SIPA1L2: variants seen among roughly 807,000 people sequenced by gnomAD.
SIPA1L2 encodes the protein signal induced proliferation associated 1 like 2.
A neutral mutation model predicts 163.9 loss-of-function variants in SIPA1L2; 56 were observed. That is an observed-to-expected ratio of 0.34 (90% CI 0.28 to 0.43). The LOEUF is 0.43. SIPA1L2 is among the 20% of genes least tolerant of loss of function. The pLI, the probability that SIPA1L2 is intolerant of heterozygous loss-of-function variation, is 1.00. For missense variants in SIPA1L2, 1,974 were observed against 2,193.5 expected (o/e 0.90, Z 2.00); for synonymous variants, 877 against 865.7 (o/e 1.01, Z -0.23).
chr1:232,443,807 T>A, intron 11 of SIPA1L2, 122 bp from the exon 12 acceptor site: 1 of 696,184 alleles, frequency 1.4e-6, no homozygotes, highest in Non-Finnish European at 2.3e-6. Context: ...AAGAAAAACA[T>A]ATTGCCATGT....
At chr1:232,575,959 G>T (rs1660054893) in intron 1 of SIPA1L2, among the ~76,000 whole-genome samples, 1 of 152,190 alleles carries the variant, frequency 6.6e-6, no homozygotes, top group African/African-American at 2.4e-5. Flanking sequence ...TTTATATGAG[G>T]TATGTAGAGT....
intron 2 of SIPA1L2, among the ~76,000 whole-genome samples, chr1:232,569,726 C>T (rs1319166431): frequency 2.0e-5 from 3 of 152,106 alleles, no homozygotes; most frequent in Non-Finnish European, 4.4e-5. Flanking sequence ...GGCAGGAGAA[C>T]CGCTTGAACC....
chr1:232,443,217 G>A (rs748961928), intron 12 of SIPA1L2, among the ~76,000 whole-genome samples: 2 of 152,188 alleles, frequency 1.3e-5, no homozygotes, highest in African/African-American at 2.4e-5. Context: ...TCTCAGCTAG[G>A]TGTGCTGGGG....
intron 2 of SIPA1L2, among the ~76,000 whole-genome samples, chr1:232,560,894 GA>G (rs953841584): frequency 1.3e-5 from 2 of 151,718 alleles, no homozygotes; most frequent in African/African-American, 4.8e-5. Context: ...TCATGAAGAG[GA>G]AAAAAAAGTA....
At chr1:232,435,320 C>T (rs1159320708) in intron 15 of SIPA1L2, among the ~76,000 whole-genome samples, 3 of 152,038 alleles carry the variant, frequency 2.0e-5, no homozygotes, top group Admixed American at 6.6e-5. Context: ...GTATTTTATC[C>T]CAACTGTAAG....
At chr1:232,541,247 T>TAACATAACATAACATAACATAACA (rs552074001) in intron 2 of SIPA1L2, among the ~76,000 whole-genome samples, 1 of 144,572 alleles carries the variant, frequency 6.9e-6, no homozygotes, top group African/African-American at 2.7e-5. Flanking sequence ...TAACATAACA[T>TAACATAACATAACATAACATAACA]TAACATAACA....
chr1:232,512,935 G>C (rs58952003), intron 3 of SIPA1L2, among the ~76,000 whole-genome samples: 2,575 of 152,312 alleles, frequency 0.017, 84 homozygotes, highest in African/African-American at 0.059. Context: ...GGCACTCTGT[G>C]AGGTTATCCC....
At chr1:232,587,845 C>G (rs563471197) in intron 1 of SIPA1L2, among the ~76,000 whole-genome samples, 1 of 152,278 alleles carries the variant, frequency 6.6e-6, no homozygotes, top group South Asian at 2.1e-4. Flanking sequence ...GAATAAGTCT[C>G]ACAAGATCTG....
intron 22 of SIPA1L2, among the ~76,000 whole-genome samples, chr1:232,401,756 A>AT (rs1196832069): frequency 1.3e-5 from 2 of 151,970 alleles, no homozygotes; most frequent in African/African-American, 2.4e-5. Context: ...ACCAGCTACA[A>AT]TTTCTCCCTT....
intron 19 of SIPA1L2, among the ~76,000 whole-genome samples, chr1:232,412,952 T>C (rs542285294): frequency 8.5e-5 from 13 of 152,258 alleles, no homozygotes; most frequent in African/African-American, 1.7e-4. Context: ...CTTTGGCAAA[T>C]AGAATATTAC....
At chr1:232,544,713 TG>T (rs1464959424) in intron 2 of SIPA1L2, among the ~76,000 whole-genome samples, 1 of 152,216 alleles carries the variant, frequency 6.6e-6, no homozygotes, top group East Asian at 1.9e-4. Flanking sequence ...GGAACATCCC[TG>T]CCCTGCAGCC....
At chr1:232,413,600 T>C (rs1661079309) in intron 19 of SIPA1L2, among the ~76,000 whole-genome samples, 2 of 152,246 alleles carry the variant, frequency 1.3e-5, no homozygotes, top group African/African-American at 4.8e-5. Context: ...GGGATAGTTC[T>C]GGGCTGTGTA....
rs372676461 is a variant in SIPA1L2, at chr1:232,464,979, T to C, written c.2681A>G (p.Asn894Ser). Residue 894 changes from asparagine (N) to serine (S), a missense_variant, in exon 9 of 23, where the codon AAC becomes AGC. By Grantham distance (46) the Asn-to-Ser change is conservative. Coordinates refer to ENST00000674635, the MANE Select transcript of SIPA1L2 (RefSeq NM_020808.5). ...CCCAATCACATCCCTGCAGGAACAG[T>C]TGAATACAACATTCTTGGAATCCTT... ...IEKDSKNVVF[N>S]CSCRDVIGWT... is the part of the protein sequence containing the mutation. 5.6e-6 allele frequency: 9 copies of C among 1,614,128 alleles called. No homozygotes were observed. The highest frequency in any genetic ancestry group is 2.2e-5 in the East Asian group (1 of 44,908).
At chr1:232,523,711 A>G (rs1318436537) in intron 2 of SIPA1L2, among the ~76,000 whole-genome samples, 1 of 152,194 alleles carries the variant, frequency 6.6e-6, no homozygotes, top group Non-Finnish European at 1.5e-5. Context: ...TCTCACTAAT[A>G]TTATTTTCCA....
At chr1:232,556,053 G>A (rs1227150078) in intron 2 of SIPA1L2, among the ~76,000 whole-genome samples, 1 of 152,216 alleles carries the variant, frequency 6.6e-6, no homozygotes, top group Non-Finnish European at 1.5e-5. Flanking sequence ...ATTCCTTAAA[G>A]ATGACATTAC....
chr1:232,573,459 C>T (rs1401469335), intron 2 of SIPA1L2, among the ~76,000 whole-genome samples: 4 of 152,080 alleles, frequency 2.6e-5, no homozygotes, highest in Non-Finnish European at 5.9e-5. Flanking sequence ...TGCCTGTGTG[C>T]ATTGTTGTGT....
chr1:232,616,877 G>T (rs1057175741), intron 1 of SIPA1L2, among the ~76,000 whole-genome samples: 2 of 152,140 alleles, frequency 1.3e-5, no homozygotes, highest in African/African-American at 4.8e-5. Flanking sequence ...AAAAGCGGGT[G>T]GTTAACTAAG....
chr1:232,535,432 C>T (rs975458849), intron 2 of SIPA1L2, among the ~76,000 whole-genome samples: 7 of 151,980 alleles, frequency 4.6e-5, no homozygotes, highest in African/African-American at 1.7e-4. Context: ...AAACAGAAGC[C>T]GGAATTTTAA....
intron 10 of SIPA1L2, among the ~76,000 whole-genome samples, chr1:232,450,390 C>T (rs1663501031): frequency 6.6e-6 from 1 of 152,140 alleles, no homozygotes; most frequent in Admixed American, 6.5e-5. Context: ...ATCCCCATAG[C>T]CAAAGACCTA....
Sources: gnomAD v4.1 joint callset for allele counts (sites outside exome capture counted in the v4.1 genomes callset) on GRCh38, gnomAD v4.1.1 for gene constraint, MANE v1.5 for transcripts, NCBI Gene and HGNC (gene_info 2026-07-23, HGNC 2026-07-21) for gene names.